Variants in WWOX observed in about 807,000 individuals in gnomAD.
The protein encoded by WWOX is WW domain containing oxidoreductase.
Under a neutral mutation model 46.2 loss-of-function variants are expected in WWOX, and 69 were observed. The observed-to-expected ratio is 1.49, with a 90% CI of 1.23 to 1.82. The LOEUF (loss-of-function observed/expected upper bound fraction) is 1.82. Among genes scored for constraint, WWOX ranks in the 40% most tolerant of loss-of-function variants. The pLI is 0.00. For synonymous variants in WWOX, 359 were observed against 202.6 expected, an observed-to-expected ratio of 1.77 and a Z score of -6.56; for missense variants, 919 against 542.6, an observed-to-expected ratio of 1.69 and a Z score of -6.89.
chr16:78,667,725 G>C (rs1436608332), intron 8 of WWOX, among the ~76,000 whole-genome samples: 2 of 146,484 alleles, frequency 1.4e-5, no homozygotes, highest in African/African-American at 5.0e-5. Flanking sequence ...ATATTGATGA[G>C]AACACCCATT....
At chr16:79,066,036 C>T (rs976605505) in intron 8 of WWOX, among the ~76,000 whole-genome samples, 1 of 152,218 alleles carries the variant, frequency 6.6e-6, no homozygotes, top group Admixed American at 6.5e-5. Context: ...GTCTGTTCAT[C>T]ATGATCTGTG....
intron 8 of WWOX, among the ~76,000 whole-genome samples, chr16:78,752,255 T>C (rs534244686): frequency 6.6e-6 from 1 of 152,334 alleles, no homozygotes; most frequent in Admixed American, 6.5e-5. Context: ...CTGTCAGTGT[T>C]AGAGACTATC....
rs189087455 is a variant in WWOX at position 78,948,233 on chromosome 16, T to C, written c.1057-263375T>C. ...CAAGACCTGGATCTCAGGTGGTAGG[T>C]TGGTCCACAGACAGTGGCACCACTA... On this transcript the variant is annotated intron_variant, in intron 8 of 8. Transcript: ENST00000566780. 2.2e-3 allele frequency among the ~76,000 whole-genome samples: 337 copies of C among 152,308 alleles called. 1 individual carries two copies. Among genetic ancestry groups the C allele is most frequent in the Non-Finnish European group, 3.7e-3 (251 of 68,024 alleles).
chr16:78,384,576 G>A (rs1466600485), intron 5 of WWOX, among the ~76,000 whole-genome samples: 2 of 152,044 alleles, frequency 1.3e-5, no homozygotes, highest in African/African-American at 2.4e-5. Flanking sequence ...CTTTATAGGG[G>A]GGATGTGGCG....
chr16:78,375,310 C>T (rs1044132943), intron 5 of WWOX, among the ~76,000 whole-genome samples: 2 of 152,236 alleles, frequency 1.3e-5, no homozygotes, highest in Non-Finnish European at 1.5e-5. Context: ...AGCCAAACAG[C>T]CTGAAGAACC....
chr16:79,014,422 T>C lies in WWOX; in HGVS notation c.1057-197186T>C, dbSNP rs373065667. ...AACCTTTAAATTTTCTCAAGCTGTC[T>C]ATGTTTTCCTGGATCGTCCCTCAAT... On this transcript the variant is annotated intron_variant, in intron 8 of 8. Coordinates refer to ENST00000566780, the MANE Select transcript of WWOX (RefSeq NM_016373.4). Among the ~76,000 whole-genome samples, 15 of 152,290 alleles carry C rather than the reference T, an allele frequency of 9.8e-5. No individual in the cohort carries two copies. The South Asian group carries it at 2.1e-3, about 21-fold the overall frequency.
At chr16:78,672,619 C>G (rs1032658562) in intron 8 of WWOX, among the ~76,000 whole-genome samples, 18 of 152,136 alleles carry the variant, frequency 1.2e-4, no homozygotes, top group Non-Finnish European at 2.2e-4. Flanking sequence ...ACTTGCAGAA[C>G]CAGATCTTAC....
intron 8 of WWOX, among the ~76,000 whole-genome samples, chr16:78,469,989 CA>C (rs1236614035): frequency 5.3e-5 from 8 of 152,348 alleles, no homozygotes; most frequent in Middle Eastern, 6.8e-3. Context: ...GCTGCTATAA[CA>C]AATAAGCACG....
intron 6 of WWOX, among the ~76,000 whole-genome samples, chr16:78,405,166 G>A (rs1293570344): frequency 6.6e-6 from 1 of 152,142 alleles, no homozygotes; most frequent in Non-Finnish European, 1.5e-5. Flanking sequence ...TCCATTTTCA[G>A]TTAAGTGTAT....
intron 5 of WWOX, among the ~76,000 whole-genome samples, chr16:78,314,589 A>G (rs1256654384): frequency 2.9e-5 from 4 of 137,762 alleles, no homozygotes; most frequent in African/African-American, 1.1e-4. Context: ...TAATGGCGTG[A>G]TACTGGCTCA....
intron 8 of WWOX, among the ~76,000 whole-genome samples, chr16:78,808,151 T>C (rs2051091997): frequency 6.6e-6 from 1 of 152,162 alleles, no homozygotes; most frequent in Admixed American, 6.5e-5. Context: ...CCTCAATTTT[T>C]GGCACCCATG....
intron 8 of WWOX, among the ~76,000 whole-genome samples, chr16:79,172,685 C>T (rs1288725582): frequency 2.0e-5 from 3 of 152,010 alleles, no homozygotes; most frequent in Non-Finnish European, 4.4e-5. Context: ...TGCACGCGCA[C>T]GTATGTGTGT....
chr16:78,132,276 T>G (rs2033630953), intron 4 of WWOX, among the ~76,000 whole-genome samples: 1 of 152,056 alleles, frequency 6.6e-6, no homozygotes, highest in Admixed American at 6.5e-5. Flanking sequence ...TCTGCCCACC[T>G]CAGCCTCCCA....
chr16:78,371,028 C>A (rs1445449261), intron 5 of WWOX, among the ~76,000 whole-genome samples: 1 of 128,156 alleles, frequency 7.8e-6, no homozygotes, highest in Non-Finnish European at 1.7e-5. Flanking sequence ...TTATCTCTTG[C>A]TGTTATCCTC....
intron 8 of WWOX, among the ~76,000 whole-genome samples, chr16:79,015,383 C>A (rs9921664): frequency 0.36 from 55,033 of 152,076 alleles, 10,100 homozygotes; most frequent in East Asian, 0.54. Flanking sequence ...TTCTTGAACT[C>A]ACTTTTCCTT....
At chr16:78,614,322 G>T (rs929247954) in intron 8 of WWOX, among the ~76,000 whole-genome samples, 3 of 152,186 alleles carry the variant, frequency 2.0e-5, no homozygotes, top group African/African-American at 7.2e-5. Flanking sequence ...GAATAACATG[G>T]TTTATTTGTG....
At chr16:78,414,160 C>T (rs762659329) in intron 6 of WWOX, among the ~76,000 whole-genome samples, 2 of 151,674 alleles carry the variant, frequency 1.3e-5, no homozygotes, top group African/African-American at 2.4e-5. Context: ...CAAGACAAAA[C>T]CCCCTTTAAC....
Position 79,078,307 on chromosome 16 carries a change from C to G in WWOX, c.1057-133301C>G, listed in dbSNP as rs186484800. ...GAATTCCATAGGTTGACAAATTCCCCTGAGTTTGGGTTAGGGTTTTGTTAC... is the reference window on the plus strand; with the variant it reads ...GAATTCCATAGGTTGACAAATTCCCGTGAGTTTGGGTTAGGGTTTTGTTAC... On this transcript the variant is annotated intron_variant, in intron 8 of 8. Transcript: ENST00000566780. 96 of 152,270 alleles carry G rather than the reference C, an allele frequency of 6.3e-4. 1 individual carries two copies. Among genetic ancestry groups the G allele is most frequent in the African/African-American group, 2.1e-3 (89 of 41,554 alleles). 9.4% of individuals were successfully genotyped at this position (152,270 alleles called of 1,614,324 possible).
chr16:78,313,196 A>G (rs2080283425), intron 5 of WWOX, among the ~76,000 whole-genome samples: 1 of 152,224 alleles, frequency 6.6e-6, no homozygotes, highest in African/African-American at 2.4e-5. Flanking sequence ...AGACTCCAAC[A>G]CAGGGCTCTT....
Sources: gnomAD v4.1 joint callset for allele counts (sites outside exome capture counted in the v4.1 genomes callset) on GRCh38, gnomAD v4.1.1 for gene constraint, MANE v1.5 for transcripts, NCBI Gene and HGNC (gene_info 2026-07-23, HGNC 2026-07-21) for gene names.